The following ABCB1 variants were observed in gnomAD, a reference collection of about 807,000 sequenced individuals.
ABCB1 encodes ATP binding cassette subfamily B member 1, also known as ATP-dependent translocase ABCB1.
A neutral mutation model predicts 142.0 loss-of-function variants in ABCB1; 69 were observed. The observed-to-expected ratio is 0.49, with a 90% CI of 0.40 to 0.59. The LOEUF (loss-of-function observed/expected upper bound fraction) is 0.59, where lower values mean the gene tolerates loss of function less well. Among genes scored for constraint, ABCB1 ranks in the 20% least tolerant of loss-of-function variants. ABCB1 has a pLI of 0.00. For synonymous variants in ABCB1, 532 were observed against 539.2 expected, an observed-to-expected ratio of 0.99 and a Z score of 0.18; for missense variants, 1,326 against 1,554.7, an observed-to-expected ratio of 0.85 and a Z score of 2.47.
intron 4 of ABCB1, among the ~76,000 whole-genome samples, chr7:87,578,457 C>T (rs1818363114): frequency 6.6e-6 from 1 of 152,046 alleles, no homozygotes; most frequent in African/African-American, 2.4e-5. Flanking sequence ...TGAAGAATGT[C>T]ACTGGTATTT....
At chr7:87,603,134 T>A (rs1389155121), upstream of ABCB1, 1 of 152,232 alleles carries the variant, frequency 6.6e-6, no homozygotes. Context: ...GTCTGTTCTA[T>A]ATGTATCTAT....
chr7:87,648,191 A>G (rs1823218729), intron 1 of ABCB1, among the ~76,000 whole-genome samples: 1 of 151,490 alleles, frequency 6.6e-6, no homozygotes, highest in African/African-American at 2.4e-5. Context: ...TCTCAAAAAA[A>G]AAAAAAAAAA....
At position 87,628,122 on chromosome 7, in the gene ABCB1, A is replaced by AG. The variant is rs922133343; in HGVS notation, c.-330-27045dup. ...AGCCGTTAAAGCTTGGCTACAGGCA[A>AG]GGGGGGGGCAATAGGCCCCTGGCGC... On this transcript the variant is annotated intron_variant, in intron 1 of 28. Coordinates refer to the ABCB1 transcript ENST00000265724. 7.6e-4 allele frequency among the ~76,000 whole-genome samples: 115 copies of AG among 151,800 alleles called. 1 individual carries two copies. Among genetic ancestry groups the AG allele is most frequent in the Admixed American group, 2.3e-3 (35 of 15,266 alleles).
In ABCB1 at chr7:87,544,015, T is replaced by C. The variant is rs1234575522; in HGVS notation, c.2211+114A>G. The C allele has an allele frequency of 2.4e-4, 310 of 1,267,978 alleles. 2 individuals are homozygous for C. The highest frequency in any genetic ancestry group is 5.7e-6 in the Non-Finnish European group (5 of 875,894). The allele number at this position is 1,267,978 out of a possible 1,614,324, so 78.5% of individuals were successfully genotyped here. On this transcript the variant is annotated intron_variant, in intron 17 of 27. Coordinates refer to ENST00000622132, the MANE Select transcript of ABCB1 (RefSeq NM_001348946.2). ...CATCTTCAAGCCAATTAGTTTCATATGGAGATACGTGGATTTTGTTGTTTT... is the reference window on the plus strand; with the variant it reads ...CATCTTCAAGCCAATTAGTTTCATACGGAGATACGTGGATTTTGTTGTTTT...
chr7:87,542,046 T>C (rs1416321509), intron 17 of ABCB1, among the ~76,000 whole-genome samples: 1 of 152,184 alleles, frequency 6.6e-6, no homozygotes, highest in Non-Finnish European at 1.5e-5. Context: ...ATAGGATGTT[T>C]TGGACTCAAG....
intron 1 of ABCB1, among the ~76,000 whole-genome samples, chr7:87,680,966 A>G (rs1293324332): frequency 1.3e-5 from 2 of 150,598 alleles, no homozygotes; most frequent in African/African-American, 4.9e-5. Flanking sequence ...CATTAATAAA[A>G]TTCATAAACT....
At position 87,550,055 on chromosome 7, in the gene ABCB1, C is replaced by A. The variant is rs1237771217; in HGVS notation, c.1351-1G>T. The A allele has an allele frequency of 6.2e-7, 1 of 1,614,114 alleles. No homozygotes were observed. The highest frequency in any genetic ancestry group is 1.7e-5 in the Admixed American group (1 of 60,024). On this transcript the variant is annotated splice_acceptor_variant, in intron 12 of 27. Transcript: ENST00000622132. LOFTEE classifies it high-confidence loss of function. ...TAATATCCTGTCCATCAACACTGAC[C>A]TGGAATAAAAAGTAAGTGTGACTTT...
chr7:87,536,660 A>T (rs1334296208), intron 19 of ABCB1, 119 bp from the exon 20 acceptor site: 11 of 803,450 alleles, frequency 1.4e-5, no homozygotes, highest in Admixed American at 4.0e-5. Context: ...AGTACTCAGG[A>T]TGTGACATTC....
At chr7:87,648,725 G>C (rs1823274983) in intron 1 of ABCB1, among the ~76,000 whole-genome samples, 1 of 152,046 alleles carries the variant, frequency 6.6e-6, no homozygotes, top group African/African-American at 2.4e-5. Context: ...CTGGTTGTAA[G>C]AAAGTTTTTA....
At chr7:87,565,889 G>C (rs1167449579) in intron 7 of ABCB1, among the ~76,000 whole-genome samples, 181 bp downstream of exon 7, 1 of 152,092 alleles carries the variant, frequency 6.6e-6, no homozygotes, top group Non-Finnish European at 1.5e-5. Flanking sequence ...ACAGCATGGA[G>C]TCTTGGCAGG....
intron 17 of ABCB1, among the ~76,000 whole-genome samples, chr7:87,542,698 G>A (rs1471728859): frequency 2.1e-5 from 3 of 141,970 alleles, no homozygotes; most frequent in East Asian, 2.0e-4. Flanking sequence ...GTCTACCCCC[G>A]CCAACCCCCA....
At position 87,522,345 on chromosome 7, in the gene ABCB1, A is replaced by G. The variant is rs556831832; in HGVS notation, c.2686-1469T>C. On this transcript the variant is annotated intron_variant, in intron 21 of 27. Transcript: ENST00000622132. Reference sequence around the variant, plus strand: ...GCTGGTACAGGCCAGTACTTTGCCAAACCATGAAACCAAGGTGGCTATGGC... The same window carrying G: ...GCTGGTACAGGCCAGTACTTTGCCAGACCATGAAACCAAGGTGGCTATGGC... The G allele has an allele frequency of 1.9e-4, 137 of 732,432 alleles. No individual in the cohort carries two copies. The African/African-American group carries it at 2.1e-3, about 11-fold the overall frequency. 45.4% of individuals were successfully genotyped at this position (732,432 alleles called of 1,614,324 possible).
At chr7:87,519,560 G>A (rs1429799192) in intron 22 of ABCB1, 94 bp from the exon 23 acceptor site, 3 of 1,481,124 alleles carry the variant, frequency 2.0e-6, no homozygotes, top group Admixed American at 1.7e-5. Flanking sequence ...ACAGAGGCAT[G>A]ACCAACAAAA....
At chr7:87,669,987 C>G (rs1488309515) in intron 1 of ABCB1, among the ~76,000 whole-genome samples, 1 of 152,092 alleles carries the variant, frequency 6.6e-6, no homozygotes, top group African/African-American at 2.4e-5. Context: ...CAGGAGTTCT[C>G]TGTATTTTCT....
intron 1 of ABCB1, among the ~76,000 whole-genome samples, chr7:87,686,484 C>T (rs1182215095): frequency 2.6e-5 from 4 of 152,016 alleles, no homozygotes; most frequent in African/African-American, 9.7e-5. Context: ...TCATCTGTGA[C>T]TTTGATTATT....
intron 1 of ABCB1, among the ~76,000 whole-genome samples, chr7:87,679,863 C>T (rs1387357081): frequency 8.0e-5 from 12 of 150,498 alleles, no homozygotes; most frequent in Non-Finnish European, 1.5e-5. Context: ...TGGAATGAAA[C>T]TAGATGTCAA....
chr7:87,671,977 AC>A (rs752530628), intron 1 of ABCB1, among the ~76,000 whole-genome samples: 1 of 151,906 alleles, frequency 6.6e-6, no homozygotes, highest in Non-Finnish European at 1.5e-5. Flanking sequence ...GGGACTGGGG[AC>A]CCACTTAAGC....
chr7:87,579,933 A>G (rs1818439302), intron 4 of ABCB1, among the ~76,000 whole-genome samples: 2 of 152,228 alleles, frequency 1.3e-5, no homozygotes, highest in Admixed American at 6.5e-5. Flanking sequence ...GAAAACTAAT[A>G]CAAACTCTAC....
At chr7:87,529,424 C>T (rs1317118179) in intron 21 of ABCB1, among the ~76,000 whole-genome samples, 2 of 152,150 alleles carry the variant, frequency 1.3e-5, no homozygotes, top group Admixed American at 6.6e-5. Flanking sequence ...CTTTCCCTAC[C>T]TACTTCTGTC....
Sources: gnomAD v4.1 joint callset for allele counts (sites outside exome capture counted in the v4.1 genomes callset) on GRCh38, gnomAD v4.1.1 for gene constraint, MANE v1.5 for transcripts, NCBI Gene and HGNC (gene_info 2026-07-23, HGNC 2026-07-21) for gene names.